The following MACROD2 variants were observed in gnomAD, a reference collection of about 807,000 sequenced individuals.
The protein encoded by MACROD2 is ADP-ribose glycohydrolase MACROD2.
Under a neutral mutation model 70.4 loss-of-function variants are expected in MACROD2, and 36 were observed. The observed-to-expected ratio is 0.51, with a 90% confidence interval of 0.39 to 0.68. MACROD2 has a LOEUF of 0.68. MACROD2 is among the 30% of genes least tolerant of loss of function. The pLI, the probability that MACROD2 is intolerant of heterozygous loss-of-function variation, is 0.00. For synonymous variants in MACROD2, 172 were observed against 178.8 expected, an observed-to-expected ratio of 0.96 and a Z score of 0.30; for missense variants, 496 against 538.4, an observed-to-expected ratio of 0.92 and a Z score of 0.78.
At chr20:14,099,238 A>G (rs2054267925) in intron 3 of MACROD2, among the ~76,000 whole-genome samples, 2 of 151,952 alleles carry the variant, frequency 1.3e-5, no homozygotes, top group African/African-American at 2.4e-5. Context: ...AGATCATGCC[A>G]CTGCACTCCA....
intron 5 of MACROD2, among the ~76,000 whole-genome samples, chr20:14,715,851 C>A (rs1336448183): frequency 6.6e-6 from 1 of 152,160 alleles, no homozygotes; most frequent in East Asian, 1.9e-4. Context: ...ACAGCTCCAA[C>A]TGCATTACTC....
intron 2 of MACROD2, among the ~76,000 whole-genome samples, chr20:14,026,998 T>C (rs1335850986): frequency 6.6e-6 from 1 of 152,226 alleles, no homozygotes; most frequent in Non-Finnish European, 1.5e-5. Context: ...TTGTGCCTCC[T>C]GACTAGGTGA....
intron 5 of MACROD2, among the ~76,000 whole-genome samples, chr20:14,766,480 A>G (rs956713690): frequency 2.0e-5 from 3 of 152,154 alleles, no homozygotes. Context: ...CAAATTCACA[A>G]AGCAATTAGA....
At chr20:14,097,358 G>A (rs1221852506) in intron 3 of MACROD2, among the ~76,000 whole-genome samples, 1 of 152,200 alleles carries the variant, frequency 6.6e-6, no homozygotes, top group African/African-American at 2.4e-5. Flanking sequence ...GGAGAAGATA[G>A]ATTGCAGGCT....
chr20:15,581,580 G>A (rs1233802816), intron 8 of MACROD2, among the ~76,000 whole-genome samples: 1 of 152,206 alleles, frequency 6.6e-6, no homozygotes, highest in East Asian at 1.9e-4. Context: ...TATGGAGGCA[G>A]TAATTGCAGG....
chr20:15,390,418 A>G (rs1028653535), intron 6 of MACROD2, among the ~76,000 whole-genome samples: 15 of 152,136 alleles, frequency 9.9e-5, no homozygotes, highest in Non-Finnish European at 2.1e-4. Context: ...TTGCATATAT[A>G]TTGTTTCCTT....
chr20:15,183,369 A>C (rs2076513364), intron 5 of MACROD2, among the ~76,000 whole-genome samples: 1 of 149,428 alleles, frequency 6.7e-6, no homozygotes, highest in South Asian at 2.1e-4. Flanking sequence ...ATGCCATCTC[A>C]ATAAAATAAA....
chr20:14,480,903 T>C (rs1236581176), intron 3 of MACROD2, among the ~76,000 whole-genome samples: 1 of 152,156 alleles, frequency 6.6e-6, no homozygotes, highest in Non-Finnish European at 1.5e-5. Context: ...CCTTGAACAA[T>C]GTAACTAACA....
chr20:14,021,114 C>T (rs984910921), intron 2 of MACROD2, among the ~76,000 whole-genome samples: 1 of 151,692 alleles, frequency 6.6e-6, no homozygotes, highest in Admixed American at 6.6e-5. Flanking sequence ...CTCAGCCTCC[C>T]GAGTAGCTGG....
chr20:14,283,151 G>A (rs1464335026), intron 3 of MACROD2, among the ~76,000 whole-genome samples: 1 of 152,120 alleles, frequency 6.6e-6, no homozygotes, highest in Non-Finnish European at 1.5e-5. Context: ...GGGAGCTTGG[G>A]ATATACTATG....
intron 7 of MACROD2, among the ~76,000 whole-genome samples, chr20:15,471,562 G>A (rs1370909569): frequency 6.6e-6 from 1 of 152,190 alleles, no homozygotes; most frequent in African/African-American, 2.4e-5. Context: ...TGGGTTTTCA[G>A]GTCGTAATAA....
intron 5 of MACROD2, among the ~76,000 whole-genome samples, chr20:14,729,870 C>T (rs2071574166): frequency 6.6e-6 from 1 of 151,818 alleles, no homozygotes; most frequent in East Asian, 1.9e-4. Context: ...GTATTAGAAT[C>T]ATTAGGTAAG....
At chr20:15,476,599 C>T (rs752195278) in intron 7 of MACROD2, among the ~76,000 whole-genome samples, 12 of 151,160 alleles carry the variant, frequency 7.9e-5, no homozygotes, top group Admixed American at 7.9e-4. Flanking sequence ...GTCAACTGAG[C>T]ACAGTGTAGT....
At chr20:14,285,429 A>C (rs1415371856) in intron 3 of MACROD2, among the ~76,000 whole-genome samples, 1 of 152,164 alleles carries the variant, frequency 6.6e-6, no homozygotes, top group Admixed American at 6.5e-5. Context: ...ATTTTGGAGC[A>C]TTTCAGATTT....
chr20:14,045,341 C>T (rs1480826020), intron 2 of MACROD2, among the ~76,000 whole-genome samples: 1 of 152,208 alleles, frequency 6.6e-6, no homozygotes, highest in Non-Finnish European at 1.5e-5. Flanking sequence ...CATGCTGTCA[C>T]CTTTCAACAT....
At chr20:15,767,805 T>G in intron 8 of MACROD2, among the ~76,000 whole-genome samples, 1 of 152,230 alleles carries the variant, frequency 6.6e-6, no homozygotes, top group East Asian at 1.9e-4. Flanking sequence ...TTTTTCTTTT[T>G]CTGTTTCACT....
chr20:14,816,610 A>G (rs568711000), intron 5 of MACROD2, among the ~76,000 whole-genome samples: 2 of 152,206 alleles, frequency 1.3e-5, no homozygotes, highest in South Asian at 4.1e-4. Context: ...TGTGTGTTAT[A>G]CTCATACATA....
chr20:15,983,037 G>T (rs2147457956), intron 13 of MACROD2, among the ~76,000 whole-genome samples: 1 of 152,276 alleles, frequency 6.6e-6, no homozygotes, highest in Non-Finnish European at 1.5e-5. Flanking sequence ...GTTTTGTCAG[G>T]TCAGGTAGCC....
At chr20:14,404,737 A>G (rs1337787384) in intron 3 of MACROD2, among the ~76,000 whole-genome samples, 1 of 152,198 alleles carries the variant, frequency 6.6e-6, no homozygotes, top group South Asian at 2.1e-4. Context: ...TGGCTTCACA[A>G]TAGAACAGAA....
Sources: allele counts gnomAD v4.1 joint callset (sites outside exome capture counted in the v4.1 genomes callset), GRCh38; gene constraint gnomAD v4.1.1; transcripts MANE v1.5; gene names NCBI Gene and HGNC (gene_info 2026-07-23, HGNC 2026-07-21).